The following DENND2B variants were observed in gnomAD, a reference collection of about 807,000 sequenced individuals.
DENND2B encodes DENN domain containing 2B, also known as DENN domain-containing protein 2B.
In DENND2B, 32 loss-of-function variants were observed where a neutral mutation model predicts 116.0. That is an observed-to-expected ratio of 0.28 (90% CI 0.21 to 0.37). The LOEUF is 0.37. Among genes scored for constraint, DENND2B ranks in the 10% least tolerant of loss-of-function variants. The pLI, the probability that DENND2B is intolerant of heterozygous loss-of-function variation, is 1.00. For synonymous variants in DENND2B, 588 were observed against 583.9 expected (o/e 1.01, Z -0.10); for missense variants, 1,276 against 1,477.7 (o/e 0.86, Z 2.24).
At chr11:8,754,029 G>GCGCGCGCGCGCACACACACACACA (rs146486674) in intron 1 of DENND2B, among the ~76,000 whole-genome samples, 4 of 138,734 alleles carry the variant, frequency 2.9e-5, no homozygotes, top group African/African-American at 1.1e-4. Context: ...CCAAAAGCGC[G>GCGCGCGCGCGCACACACACACACA]CACACACACA....
At chr11:8,782,756 G>T (rs2058500317) in intron 1 of DENND2B, among the ~76,000 whole-genome samples, 2 of 151,644 alleles carry the variant, frequency 1.3e-5, no homozygotes, top group South Asian at 4.2e-4. Flanking sequence ...GCGTGGGGGT[G>T]GGTGCCTGTA....
intron 3 of DENND2B, among the ~76,000 whole-genome samples, chr11:8,850,090 G>A (rs776029859): frequency 3.9e-5 from 6 of 152,090 alleles, no homozygotes; most frequent in African/African-American, 7.2e-5. Flanking sequence ...AGCTGTGATC[G>A]TGCCACCTCA....
intron 11 of DENND2B, 52 bp downstream of exon 11, chr11:8,710,793 A>ACACACC (rs1242806095): frequency 1.3e-5 from 17 of 1,322,974 alleles, no homozygotes; most frequent in South Asian, 1.1e-4. Flanking sequence ...ACACACACAC[A>ACACACC]CCCTGGCCTA....
rs2061302269 is a variant in DENND2B at position 8,810,576 on chromosome 11, C to G, written c.-85G>C. 1 of 152,300 alleles carries G rather than the reference C, an allele frequency of 6.6e-6. No individual in the cohort carries two copies. The highest frequency in any genetic ancestry group is 6.5e-5 in the Admixed American group (1 of 15,286). The allele number at this position is 152,300 out of a possible 1,614,324, so 9.4% of individuals were successfully genotyped here. Reference sequence around the variant, plus strand: ...CTCACACCGCAGCCGGCTAGGGAGCCCAGGGCCCCCAAATCCACTGGCTTA... The same window carrying G: ...CTCACACCGCAGCCGGCTAGGGAGCGCAGGGCCCCCAAATCCACTGGCTTA... On this transcript the variant is annotated 5_prime_UTR_variant, in exon 1 of 20. Transcript: ENST00000313726.
At chr11:8,842,855 C>A (rs577764672) in intron 3 of DENND2B, among the ~76,000 whole-genome samples, 1 of 152,206 alleles carries the variant, frequency 6.6e-6, no homozygotes, top group East Asian at 1.9e-4. Flanking sequence ...CAGTTAAATT[C>A]TTTACAGTAA....
chr11:8,906,808 C>G (rs182759002), intron 1 of DENND2B, among the ~76,000 whole-genome samples: 116 of 152,268 alleles, frequency 7.6e-4, no homozygotes, highest in African/African-American at 2.6e-3. Flanking sequence ...GATCTAATGA[C>G]TCAGTCTGTA....
At chr11:8,832,161 C>T (rs577096954) in intron 4 of DENND2B, among the ~76,000 whole-genome samples, 1 of 152,176 alleles carries the variant, frequency 6.6e-6, no homozygotes, top group South Asian at 2.1e-4. Flanking sequence ...TTTAAAAGAA[C>T]CAACACCTCG....
At chr11:8,909,904 T>A (rs2064293646) in intron 1 of DENND2B, 1 of 152,220 alleles carries the variant, frequency 6.6e-6, no homozygotes, top group African/African-American at 2.4e-5. Context: ...TGGACCTTCC[T>A]AAGCATCGGC....
At chr11:8,837,797 T>C (rs2134605019) in intron 4 of DENND2B, among the ~76,000 whole-genome samples, 1 of 152,294 alleles carries the variant, frequency 6.6e-6, no homozygotes, top group African/African-American at 2.4e-5. Context: ...CTTGGACATG[T>C]TAGCAAACAT....
upstream of DENND2B, among the ~76,000 whole-genome samples, chr11:8,812,981 A>C (rs1291899500): frequency 6.6e-6 from 1 of 152,048 alleles, no homozygotes; most frequent in Non-Finnish European, 1.5e-5. Context: ...ACGAGGTCTT[A>C]TTATGTTGCC....
chr11:8,837,729 C>T (rs2062484733), intron 4 of DENND2B, among the ~76,000 whole-genome samples: 1 of 152,216 alleles, frequency 6.6e-6, no homozygotes, highest in African/African-American at 2.4e-5. Context: ...ATACCACCCT[C>T]AGGGTACAAG....
chr11:8,797,525 CTTCCCCCT>C (rs1282154547), intron 1 of DENND2B, among the ~76,000 whole-genome samples: 2 of 147,178 alleles, frequency 1.4e-5, no homozygotes, highest in Admixed American at 1.4e-4. Context: ...CCTCTTCCCC[CTTCCCCCT>C]TTCCCCCTTT....
chr11:8,868,384 T>C (rs2063659620), intron 2 of DENND2B, among the ~76,000 whole-genome samples: 2 of 152,210 alleles, frequency 1.3e-5, no homozygotes. Context: ...CAAAAATCTT[T>C]AAAACCTAAA....
chr11:8,846,981 T>A (rs1194004591), intron 3 of DENND2B, among the ~76,000 whole-genome samples: 2 of 152,264 alleles, frequency 1.3e-5, no homozygotes, highest in Admixed American at 1.3e-4. Flanking sequence ...GGACACACAC[T>A]GTCTCCTGCC....
intron 4 of DENND2B, among the ~76,000 whole-genome samples, chr11:8,722,992 G>A (rs769713996): frequency 2.6e-4 from 40 of 152,116 alleles, no homozygotes; most frequent in Non-Finnish European, 5.0e-4. Flanking sequence ...GGCAGCCAAG[G>A]TGCTCCCATA....
chr11:8,757,213 A>G (rs541077518), intron 1 of DENND2B: 26 of 401,332 alleles, frequency 6.5e-5, no homozygotes, highest in Admixed American at 2.8e-4. Context: ...TATAACAGCC[A>G]TAATAGCAAT....
At chr11:8,756,070 T>C (rs1429644423) in intron 1 of DENND2B, among the ~76,000 whole-genome samples, 3 of 152,208 alleles carry the variant, frequency 2.0e-5, no homozygotes, top group Non-Finnish European at 4.4e-5. Context: ...AGCATCAGTT[T>C]TCAACTGTAG....
intron 1 of DENND2B, among the ~76,000 whole-genome samples, chr11:8,804,437 T>C (rs955196053): frequency 6.6e-6 from 1 of 152,014 alleles, no homozygotes. Flanking sequence ...GGAAATCCTG[T>C]GTTATTAGGA....
At chr11:8,776,928 G>C (rs1486805283) in intron 1 of DENND2B, among the ~76,000 whole-genome samples, 4 of 152,116 alleles carry the variant, frequency 2.6e-5, no homozygotes, top group African/African-American at 4.8e-5. Context: ...GGTCACATGG[G>C]AGCCAACCCT....
Sources: gnomAD v4.1 joint callset for allele counts (sites outside exome capture counted in the v4.1 genomes callset) on GRCh38, gnomAD v4.1.1 for gene constraint, MANE v1.5 for transcripts, NCBI Gene and HGNC (gene_info 2026-07-23, HGNC 2026-07-21) for gene names.